Variants in TBCE observed in about 807,000 individuals in gnomAD.
TBCE encodes the protein tubulin-specific chaperone E.
Under a neutral mutation model 77.0 loss-of-function variants are expected in TBCE, and 53 were observed. The ratio of observed to expected loss-of-function variants is 0.69; its 90% CI spans 0.55 to 0.87. The LOEUF (loss-of-function observed/expected upper bound fraction) is 0.87. TBCE is among the 40% of genes least tolerant of loss of function. The probability of loss-of-function intolerance (pLI) is 0.00; values close to 1 mark genes in which losing one functional copy is unlikely to be tolerated. For missense variants in TBCE, 624 were observed against 622.4 expected, an observed-to-expected ratio of 1.00 and a Z score of -0.03; for synonymous variants, 235 against 241.3, an observed-to-expected ratio of 0.97 and a Z score of 0.24.
At position 235,449,971 on chromosome 1, in the gene TBCE, C is replaced by G; in HGVS notation, c.*1209C>G. 2.7e-6 allele frequency: 1 copy of G among 365,568 alleles called. No individual in the cohort carries two copies. Among genetic ancestry groups the G allele is most frequent in the Non-Finnish European group, 4.9e-6 (1 of 205,136 alleles). 22.6% of individuals were successfully genotyped at this position (365,568 alleles called of 1,614,324 possible). A position where few individuals can be genotyped will look rare whatever the true frequency, so the allele number is the denominator to read the frequency against. On this transcript the variant is annotated 3_prime_UTR_variant, in exon 17 of 17. Transcript: ENST00000642610. ...TTTTATAAAATAACTTGGTATTTTT[C>G]TGATAATCTTCCAATAGATAAATAA...
At chr1:235,376,195 A>AT (rs1238007066) in intron 1 of TBCE, among the ~76,000 whole-genome samples, 1 of 152,172 alleles carries the variant, frequency 6.6e-6, no homozygotes, top group African/African-American at 2.4e-5. Context: ...ATTAAGTAGG[A>AT]TCAAGCATGT....
chr1:235,412,148 TCCCCTCCCCTCCCCTTC>T (rs1679824872), intron 3 of TBCE, among the ~76,000 whole-genome samples: 1 of 2,534 alleles, frequency 3.9e-4, no homozygotes, highest in Non-Finnish European at 8.0e-4. Flanking sequence ...CCCCTTCCCC[TCCCCTCCCCTCCCCTTC>T]CCCCCTCCCC....
In TBCE at chr1:235,450,146, C is replaced by G; in HGVS notation, c.*1384C>G. 6.3e-7 allele frequency: 1 copy of G among 1,597,088 alleles called. No homozygotes were observed. Among genetic ancestry groups the G allele is most frequent in the Non-Finnish European group, 8.6e-7 (1 of 1,165,866 alleles). On this transcript the variant is annotated 3_prime_UTR_variant, in exon 17 of 17. Transcript: ENST00000642610. ...CTGCTAAACCCTGGGACTCCTCAGA[C>G]TTGCACTCAGATTATCGTTTGCCTG...
intron 1 of TBCE, among the ~76,000 whole-genome samples, chr1:235,374,470 A>T (rs1677168024): frequency 6.9e-6 from 1 of 145,840 alleles, no homozygotes; most frequent in Admixed American, 6.8e-5. Flanking sequence ...GAAGCAGGGA[A>T]AGCAGAAATG....
chr1:235,385,018 CTT>C (rs1677905953), intron 2 of TBCE, among the ~76,000 whole-genome samples: 1 of 151,994 alleles, frequency 6.6e-6, no homozygotes, highest in Non-Finnish European at 1.5e-5. Flanking sequence ...TATGTTGTGT[CTT>C]TGTTCTCGTT....
Position 235,449,158 on chromosome 1 carries a change from T to G in TBCE, c.*396T>G. ...ATTTTAAAGGGTTACTAGAAATGATTTGGTTGGTCATTTTGGGAAATGTCC... is the reference window on the plus strand; with the variant it reads ...ATTTTAAAGGGTTACTAGAAATGATGTGGTTGGTCATTTTGGGAAATGTCC... On this transcript the variant is annotated 3_prime_UTR_variant, in exon 17 of 17. Transcript: ENST00000642610. 4.0e-6 allele frequency: 1 copy of G among 249,692 alleles called. No individual in the cohort carries two copies. Among genetic ancestry groups the G allele is most frequent in the Non-Finnish European group, 7.9e-6 (1 of 127,338 alleles). The allele number at this position is 249,692 out of a possible 1,614,324, so 15.5% of individuals were successfully genotyped here.
chr1:235,420,568 C>T (rs1468232562), intron 5 of TBCE, among the ~76,000 whole-genome samples: 2 of 151,486 alleles, frequency 1.3e-5, no homozygotes, highest in Non-Finnish European at 2.9e-5. Context: ...CTGCAACCTC[C>T]GCCTCCCGGG....
At chr1:235,412,921 A>T (rs1476268351) in intron 3 of TBCE, among the ~76,000 whole-genome samples, 1 of 152,132 alleles carries the variant, frequency 6.6e-6, no homozygotes, top group Non-Finnish European at 1.5e-5. Flanking sequence ...CTCCTGCCTC[A>T]GCCTCCCCAG....
At position 235,434,051 on chromosome 1, in the gene TBCE, T is replaced by C. The variant is rs1044846907; in HGVS notation, c.661-153T>C. 10 of 747,602 alleles carry C rather than the reference T, an allele frequency of 1.3e-5. No individual in the cohort carries two copies. In the African/African-American group the frequency reaches 1.7e-4, roughly 13 times the overall value. 46.3% of individuals were successfully genotyped at this position (747,602 alleles called of 1,614,324 possible). A position where few individuals can be genotyped will look rare whatever the true frequency, so the allele number is the denominator to read the frequency against. On this transcript the variant is annotated intron_variant, in intron 7 of 16. Transcript: ENST00000642610. ...CATTTTATTTATCACCCCCCACCACTATTCCAGGCCTGAAACAGTCTTATG... is the reference window on the plus strand; with the variant it reads ...CATTTTATTTATCACCCCCCACCACCATTCCAGGCCTGAAACAGTCTTATG...
chr1:235,408,212 A>G (rs909638734), intron 3 of TBCE, among the ~76,000 whole-genome samples: 22 of 152,242 alleles, frequency 1.4e-4, no homozygotes, highest in African/African-American at 5.3e-4. Flanking sequence ...GTTTGAAGTG[A>G]TAGATACCCC....
chr1:235,378,006 C>A (rs1287022905), intron 1 of TBCE, among the ~76,000 whole-genome samples: 1 of 152,048 alleles, frequency 6.6e-6, no homozygotes, highest in Non-Finnish European at 1.5e-5. Context: ...GTAATAATAA[C>A]AAAGGCCTCA....
intron 3 of TBCE, among the ~76,000 whole-genome samples, chr1:235,406,732 A>G (rs573287927): frequency 1.7e-4 from 25 of 151,234 alleles, no homozygotes; most frequent in African/African-American, 5.6e-4. Flanking sequence ...GGGTTTCACC[A>G]TATTGGCCAG....
chr1:235,395,743 C>A (rs1246557662), intron 2 of TBCE, among the ~76,000 whole-genome samples: 4 of 151,890 alleles, frequency 2.6e-5, no homozygotes, highest in African/African-American at 9.7e-5. Flanking sequence ...CGGGGATTTG[C>A]CATGTTGGCC....
chr1:235,388,101 A>T (rs1678135186), intron 2 of TBCE, among the ~76,000 whole-genome samples: 1 of 152,178 alleles, frequency 6.6e-6, no homozygotes, highest in Non-Finnish European at 1.5e-5. Flanking sequence ...ATTACTGTGT[A>T]CCAGACACTT....
Position 235,450,126 on chromosome 1 carries a change from A to C in TBCE, c.*1364A>C. Reference sequence around the variant, plus strand: ...TTGAAAGACCATACAGTCTACTGCTAAACCCTGGGACTCCTCAGACTTGCA... The same window carrying C: ...TTGAAAGACCATACAGTCTACTGCTCAACCCTGGGACTCCTCAGACTTGCA... On this transcript the variant is annotated 3_prime_UTR_variant, in exon 17 of 17. Coordinates refer to ENST00000642610, the MANE Select transcript of TBCE (RefSeq NM_003193.5). The C allele has an allele frequency of 1.2e-5, 18 of 1,541,692 alleles. No homozygotes were observed. The highest frequency in any genetic ancestry group is 3.4e-5 in the Admixed American group (2 of 59,602).
At chr1:235,446,183 C>CTT (rs11463602) in intron 15 of TBCE, among the ~76,000 whole-genome samples, 32 of 149,134 alleles carry the variant, frequency 2.1e-4, no homozygotes, top group African/African-American at 6.9e-4. Flanking sequence ...CCTATACATC[C>CTT]TTTTTTTTTT....
chr1:235,373,501 T>G, intron 1 of TBCE, among the ~76,000 whole-genome samples: 1 of 152,142 alleles, frequency 6.6e-6, no homozygotes, highest in East Asian at 1.9e-4. Context: ...TGGAGTGCAA[T>G]GGCACGATCT....
At chr1:235,427,282 C>T (rs1680778946) in intron 6 of TBCE, 43 bp downstream of exon 6, 1 of 1,407,466 alleles carries the variant, frequency 7.1e-7, no homozygotes, top group South Asian at 1.2e-5. Flanking sequence ...CAATAAAGCT[C>T]ATCTCTCCTT....
chr1:235,395,055 C>T (rs530316586), intron 2 of TBCE, among the ~76,000 whole-genome samples: 4 of 152,268 alleles, frequency 2.6e-5, no homozygotes, highest in South Asian at 4.1e-4. Context: ...GGATGTACCA[C>T]GGTTTATTCT....
Sources: gnomAD v4.1 joint callset for allele counts (sites outside exome capture counted in the v4.1 genomes callset) on GRCh38, gnomAD v4.1.1 for gene constraint, MANE v1.5 for transcripts, NCBI Gene and HGNC (gene_info 2026-07-23, HGNC 2026-07-21) for gene names.